KCNT1: variants seen among roughly 807,000 people sequenced by gnomAD.
KCNT1 encodes the protein potassium channel subfamily T member 1.
A neutral mutation model predicts 147.8 loss-of-function variants in KCNT1; 78 were observed. That is an observed-to-expected ratio of 0.53 (90% CI 0.44 to 0.64). KCNT1 has a LOEUF of 0.64. Ranked by LOEUF, KCNT1 falls within the 30% of genes least tolerant of loss-of-function variation. The pLI is 0.00. For synonymous variants in KCNT1, 867 were observed against 748.8 expected, an observed-to-expected ratio of 1.16 and a Z score of -2.58; for missense variants, 1,419 against 1,750.3, an observed-to-expected ratio of 0.81 and a Z score of 3.38.
intron 11 of KCNT1, among the ~76,000 whole-genome samples, chr9:135,760,266 C>T (rs1052426677): frequency 1.3e-5 from 2 of 152,024 alleles, no homozygotes; most frequent in African/African-American, 4.8e-5. Flanking sequence ...CCAGTGGCTT[C>T]CCCGTCACCA....
rs994692250 is a variant in KCNT1, at chr9:135,752,179, C to G, written c.434+1138C>G. On this transcript the variant is annotated intron_variant, in intron 4 of 30. Transcript: ENST00000371757. This position sits in a 1 kb window ranked among gnomAD's most constrained non-coding sequence, Gnocchi z 5.1. ...GTGAACCCTGCCAGCATGCTGGTCC[C>G]CCCTCTGGCTGCGCAGAGCAGGTTC... is the stretch of plus-strand genomic sequence containing the variant. 2.8e-6 allele frequency: 1 copy of G among 352,624 alleles called. No homozygotes were observed. The highest frequency in any genetic ancestry group is 3.9e-5 in the Admixed American group (1 of 25,962). The allele number at this position is 352,624 out of a possible 1,614,324, so 21.8% of individuals were successfully genotyped here.
rs775023069 is a variant in KCNT1 at position 135,750,982 on chromosome 9, C to T, written c.375C>T (p.Leu125=). The T allele has an allele frequency of 1.2e-6, 2 of 1,613,320 alleles. No homozygotes were observed. The highest frequency in any genetic ancestry group is 2.2e-5 in the East Asian group (1 of 44,874). The change falls in exon 4 of 31, where the codon CTC becomes CTT. Residue 125 remains leucine, a synonymous_variant. Transcript: ENST00000371757. The stretch of plus-strand genomic sequence containing the variant: ...TGTTCAACTTCTCCCTGAAGCTGCT[C>T]ACCTGCCTGCTCTACATTGTGCGCG... ...IRLFNFSLKL[L]TCLLYIVRVL... is the part of the protein sequence containing the mutation.
intron 19 of KCNT1, among the ~76,000 whole-genome samples, chr9:135,774,874 G>A (rs1329034738): frequency 6.6e-6 from 1 of 152,090 alleles, no homozygotes; most frequent in Non-Finnish European, 1.5e-5. Context: ...GGTGAGGGCA[G>A]CAGCAGTGAG....
chr9:135,750,043 C>T (rs1831059335), intron 2 of KCNT1, 55 bp from the exon 3 acceptor site: 1 of 1,458,468 alleles, frequency 6.9e-7, no homozygotes, highest in African/African-American at 1.4e-5. Flanking sequence ...CCGGCGTGTC[C>T]CCAGCCTGAG....
intron 1 of KCNT1, among the ~76,000 whole-genome samples, chr9:135,710,323 T>A (rs567386899): frequency 6.6e-6 from 1 of 152,216 alleles, no homozygotes; most frequent in African/African-American, 2.4e-5. Flanking sequence ...TAGCATAGGC[T>A]GGAGCCAGGT....
Position 135,757,312 on chromosome 9 carries a change from G to T in KCNT1, c.690G>T (p.Pro230=). 1.2e-6 allele frequency: 2 copies of T among 1,612,148 alleles called. No homozygotes were observed. Among genetic ancestry groups the T allele is most frequent in the Non-Finnish European group, 1.7e-6 (2 of 1,179,956 alleles). Residue 230 remains proline (P), a synonymous_variant, in exon 9 of 31, where the codon CCG becomes CCT. Transcript: ENST00000371757. The part of the protein sequence containing the change: ...LPFIITIFWP[P]LRNLFIPVFL... ...CCCCTTCACAGATCTTCTGGCCGCCGCTGCGGAACCTGTTCATCCCCGTCT... is the reference window on the plus strand; with the variant it reads ...CCCCTTCACAGATCTTCTGGCCGCCTCTGCGGAACCTGTTCATCCCCGTCT...
At chr9:135,774,436 GTGTC>G (rs1429002216) in intron 19 of KCNT1, among the ~76,000 whole-genome samples, 1 of 108,844 alleles carries the variant, frequency 9.2e-6, no homozygotes, top group Non-Finnish European at 1.9e-5. Context: ...GTTGTGTGGT[GTGTC>G]TGTGGTGTGT....
chr9:135,744,540 G>C (rs1334660767), intron 2 of KCNT1, among the ~76,000 whole-genome samples: 1 of 152,258 alleles, frequency 6.6e-6, no homozygotes, highest in Non-Finnish European at 1.5e-5. Context: ...CAAGGACCCA[G>C]GCCTGGCACT....
rs531750056 is a variant in KCNT1 at position 135,721,151 on chromosome 9, C to G, written c.254+6431C>G. On this transcript the variant is annotated intron_variant, in intron 2 of 30. Coordinates refer to ENST00000371757, the MANE Select transcript of KCNT1 (RefSeq NM_020822.3). Reference sequence around the variant, plus strand: ...TGGACTGGGGGACCCCCAGAAGGGGCTGAAGTGGCCCCCAACGCTCTCGGC... The same window carrying G: ...TGGACTGGGGGACCCCCAGAAGGGGGTGAAGTGGCCCCCAACGCTCTCGGC... 7.6e-4 allele frequency among the ~76,000 whole-genome samples: 115 copies of G among 152,212 alleles called. 2 individuals carry two copies. The South Asian group carries it at 0.023, about 31-fold the overall frequency.
chr9:135,772,479 C>A (rs553828887), intron 18 of KCNT1, among the ~76,000 whole-genome samples: 1 of 152,286 alleles, frequency 6.6e-6, no homozygotes, highest in Non-Finnish European at 1.5e-5. Flanking sequence ...TGGGTGGCAC[C>A]GATGGGGCAC....
At chr9:135,707,859 G>A (rs984395832) in intron 1 of KCNT1, among the ~76,000 whole-genome samples, 5 of 152,150 alleles carry the variant, frequency 3.3e-5, no homozygotes, top group African/African-American at 1.2e-4. Flanking sequence ...CTTGATTTCG[G>A]CTCCTCCATG....
At chr9:135,781,739 C>G (rs533493760) in intron 24 of KCNT1, among the ~76,000 whole-genome samples, 1 of 151,990 alleles carries the variant, frequency 6.6e-6, no homozygotes, top group Admixed American at 6.6e-5. Flanking sequence ...ATTCCAGGCA[C>G]GACTCCGGAA....
chr9:135,778,764 G>A lies in KCNT1; in HGVS notation c.2671G>A (p.Ala891Thr), dbSNP rs752835491. The change falls in exon 23 of 31, where the codon GCC (alanine) becomes ACC (threonine). Residue 891 changes from alanine to threonine, a missense_variant. By Grantham distance (58) the Ala-to-Thr change is moderately conservative (BLOSUM62 0). Transcript: ENST00000371757. ...VVVDKESTMSAEEDYMADAKT... is the reference protein window; with the variant it reads ...VVVDKESTMSTEEDYMADAKT... ...GGTGGACAAGGAGAGCACCATGAGC[G>A]CCGAGGAGGACTACATGGCGGACGC... is the stretch of plus-strand genomic sequence containing the variant. 13 of 1,613,886 alleles carry A rather than the reference G, an allele frequency of 8.1e-6. No homozygotes were observed. The highest frequency in any genetic ancestry group is 3.3e-5 in the South Asian group (3 of 91,078).
At chr9:135,706,241 G>A (rs561269322) in intron 1 of KCNT1, among the ~76,000 whole-genome samples, 6 of 152,318 alleles carry the variant, frequency 3.9e-5, no homozygotes, top group African/African-American at 1.2e-4. Context: ...TGTTGGCGTC[G>A]GGAGCTTGCA....
At position 135,794,576 on chromosome 9, in the gene KCNT1, G is replaced by C. The variant is rs931476489; in HGVS notation, c.*2415G>C. 6.6e-6 allele frequency: 1 copy of C among 152,290 alleles called. No individual in the cohort carries two copies. Among genetic ancestry groups the C allele is most frequent in the Non-Finnish European group, 1.5e-5 (1 of 68,076 alleles). 9.4% of individuals were successfully genotyped at this position (152,290 alleles called of 1,614,324 possible). A position where few individuals can be genotyped will look rare whatever the true frequency, so the allele number is the denominator to read the frequency against. ...CCTGCTCCGCCTGGAGCTCATGCGG[G>C]CAGCCGTGGACACAGGTGGCACCCA... On this transcript the variant is annotated 3_prime_UTR_variant, in exon 31 of 31. Coordinates refer to ENST00000371757, the MANE Select transcript of KCNT1 (RefSeq NM_020822.3).
intron 2 of KCNT1, among the ~76,000 whole-genome samples, chr9:135,721,442 A>G (rs1371967083): frequency 6.6e-6 from 1 of 152,126 alleles, no homozygotes; most frequent in Non-Finnish European, 1.5e-5. Context: ...TCCAGAGCAA[A>G]CACCCACAGG....
At chr9:135,746,797 G>A (rs550590885) in intron 2 of KCNT1, among the ~76,000 whole-genome samples, 73 of 152,134 alleles carry the variant, frequency 4.8e-4, no homozygotes, top group Admixed American at 8.5e-4. Flanking sequence ...GGCGGAGCTG[G>A]GCACCCCCGC....
rs558399656 is a variant in KCNT1 at position 135,706,524 on chromosome 9, C to T, written c.110+4156C>T. Among the ~76,000 whole-genome samples the T allele has an allele frequency of 4.6e-5, 7 of 152,318 alleles. No individual in the cohort carries two copies. The East Asian group carries it at 9.7e-4, about 21-fold the overall frequency. ...GGGGCACCTGTGTCCTGCCAGGCACCACTCAGGCCTCGGAGGCTGAGACAC... is the reference window on the plus strand; with the variant it reads ...GGGGCACCTGTGTCCTGCCAGGCACTACTCAGGCCTCGGAGGCTGAGACAC... On this transcript the variant is annotated intron_variant, in intron 1 of 30. Transcript: ENST00000371757.
At chr9:135,778,546 C>T in intron 22 of KCNT1, 51 bp downstream of exon 22, 1 of 1,604,986 alleles carries the variant, frequency 6.2e-7, no homozygotes, top group South Asian at 1.1e-5. Flanking sequence ...CACCCCTCCC[C>T]TCCTCTTCCA....
Sources: gnomAD v4.1 joint callset for allele counts (sites outside exome capture counted in the v4.1 genomes callset) on GRCh38, gnomAD v4.1.1 for gene constraint, Gnocchi (gnomAD v3.1) non-coding constraint, MANE v1.5 for transcripts, NCBI Gene and HGNC (gene_info 2026-07-23, HGNC 2026-07-21) for gene names.